The following OLA1 variants were observed in gnomAD, a reference collection of about 807,000 sequenced individuals.
OLA1 encodes the protein obg-like ATPase 1.
OLA1 carries 14 observed loss-of-function variants against 48.4 expected under a neutral mutation model. That is an observed-to-expected ratio of 0.29 (90% CI 0.19 to 0.45). The LOEUF (loss-of-function observed/expected upper bound fraction) is 0.45, where lower values mean the gene tolerates loss of function less well. OLA1 is among the 20% of genes least tolerant of loss of function. The pLI is 1.00. For synonymous variants in OLA1, 127 were observed against 150.4 expected (o/e 0.84, Z 1.14); for missense variants, 325 against 467.1 (o/e 0.70, Z 2.80).
intron 7 of OLA1, among the ~76,000 whole-genome samples, chr2:174,109,215 A>T (rs910197962): frequency 3.9e-5 from 6 of 152,208 alleles, no homozygotes; most frequent in African/African-American, 1.2e-4. Context: ...CTTATGGCTA[A>T]GAATGTTTAA....
In OLA1 at chr2:174,144,930, T is replaced by TAAAAAAA. The variant is rs71021671; in HGVS notation, c.374-2937_374-2931dup. 9.7e-5 allele frequency among the ~76,000 whole-genome samples: 4 copies of TAAAAAAA among 41,116 alleles called. 1 individual carries two copies. Among genetic ancestry groups the TAAAAAAA allele is most frequent in the Non-Finnish European group, 1.2e-4 (3 of 25,756 alleles). 27.0% of individuals were successfully genotyped at this position (41,116 alleles called of 152,430 possible). On this transcript the variant is annotated intron_variant, in intron 4 of 10. Transcript: ENST00000284719. The stretch of plus-strand genomic sequence containing the variant: ...CTGGGCGACAGAGTAAGACCCTGTT[T>TAAAAAAA]AAAAAAAAAAAAAAAAAAAAAATAT...
chr2:174,144,981 T>A (rs1307228614), intron 4 of OLA1, among the ~76,000 whole-genome samples: 30 of 108,068 alleles, frequency 2.8e-4, no homozygotes, highest in African/African-American at 8.1e-4. Context: ...TATATATATA[T>A]AATCACGGAA....
At chr2:174,243,081 T>G (rs1689043093) in intron 2 of OLA1, among the ~76,000 whole-genome samples, 1 of 152,038 alleles carries the variant, frequency 6.6e-6, no homozygotes. Flanking sequence ...CGATCTCAGC[T>G]CACTGATACC....
chr2:174,104,650 A>G (rs1269191346), intron 7 of OLA1, among the ~76,000 whole-genome samples: 1 of 152,046 alleles, frequency 6.6e-6, no homozygotes, highest in Non-Finnish European at 1.5e-5. Flanking sequence ...AGTTTTTTCC[A>G]TGTTTTAAAA....
intron 7 of OLA1, among the ~76,000 whole-genome samples, chr2:174,086,738 G>A (rs1684986265): frequency 1.3e-5 from 2 of 152,158 alleles, no homozygotes; most frequent in Non-Finnish European, 2.9e-5. Context: ...GTTCACATTC[G>A]GGGGTGGTGG....
intron 4 of OLA1, among the ~76,000 whole-genome samples, chr2:174,176,137 C>A (rs1033555451): frequency 2.0e-5 from 3 of 152,000 alleles, no homozygotes; most frequent in African/African-American, 7.2e-5. Context: ...CAATAAACTT[C>A]ATCAAACTGT....
At chr2:174,161,597 C>T (rs763636356) in intron 4 of OLA1, among the ~76,000 whole-genome samples, 13 of 150,686 alleles carry the variant, frequency 8.6e-5, no homozygotes, top group Admixed American at 1.3e-4. Flanking sequence ...CCCAAGTGTT[C>T]GAGGCTGCAG....
intron 2 of OLA1, among the ~76,000 whole-genome samples, chr2:174,234,439 C>G (rs1688801531): frequency 6.6e-6 from 1 of 152,006 alleles, no homozygotes; most frequent in Non-Finnish European, 1.5e-5. Context: ...CCGAGCTGTT[C>G]AAGGGTCAAC....
intron 7 of OLA1, among the ~76,000 whole-genome samples, chr2:174,090,980 A>G (rs1685100758): frequency 6.6e-6 from 1 of 152,234 alleles, no homozygotes; most frequent in African/African-American, 2.4e-5. Context: ...AATATTGCCC[A>G]TAGTTTTCTG....
At chr2:174,114,737 G>T (rs1398638081) in intron 7 of OLA1, among the ~76,000 whole-genome samples, 1 of 152,186 alleles carries the variant, frequency 6.6e-6, no homozygotes, top group South Asian at 2.1e-4. Flanking sequence ...AAAAGGCACT[G>T]CTAAATCTTT....
At chr2:174,225,231 C>A (rs918665178) in intron 3 of OLA1, among the ~76,000 whole-genome samples, 4 of 152,140 alleles carry the variant, frequency 2.6e-5, no homozygotes, top group Non-Finnish European at 4.4e-5. Context: ...CACACCCACT[C>A]CCCTTTTCAT....
At chr2:174,086,677 G>A (rs563524584) in intron 7 of OLA1, among the ~76,000 whole-genome samples, 1 of 152,296 alleles carries the variant, frequency 6.6e-6, no homozygotes, top group Non-Finnish European at 1.5e-5. Context: ...CGGCTACTAA[G>A]TGACTAATGG....
rs35332033 is a variant in OLA1, at chr2:174,239,714, CAAAAAAA to C, written c.101+6994_101+7000del. On this transcript the variant is annotated intron_variant, in intron 2 of 10. Coordinates refer to ENST00000284719, the MANE Select transcript of OLA1 (RefSeq NM_013341.5). ...GCAACATAGTGAGAACCCATCTCTA[CAAAAAAA>C]AAAAAAAAAAAAAAAGTTAAAAATT... Among the ~76,000 whole-genome samples the C allele has an allele frequency of 3.7e-3, 223 of 60,634 alleles. 1 individual carries two copies. Among genetic ancestry groups the C allele is most frequent in the Non-Finnish European group, 3.9e-3 (133 of 34,102 alleles). The allele number at this position is 60,634 out of a possible 152,430, so 39.8% of individuals were successfully genotyped here. A position where few individuals can be genotyped will look rare whatever the true frequency, so the allele number is the denominator to read the frequency against.
At chr2:174,087,067 G>A (rs942367438) in intron 7 of OLA1, among the ~76,000 whole-genome samples, 2 of 146,704 alleles carry the variant, frequency 1.4e-5, no homozygotes, top group African/African-American at 5.1e-5. Context: ...TCGCTCTGTC[G>A]CCAGGCTGGA....
intron 4 of OLA1, among the ~76,000 whole-genome samples, chr2:174,189,878 CA>C (rs796953866): frequency 0.014 from 600 of 43,074 alleles, 5 homozygotes; most frequent in African/African-American, 0.049. Context: ...AAAAAAAAAA[CA>C]AAACACACAC....
At chr2:174,223,297 C>T (rs1484767050) in intron 3 of OLA1, 137 bp from the exon 4 acceptor site, 1 of 766,432 alleles carries the variant, frequency 1.3e-6, no homozygotes, top group East Asian at 2.8e-5. Flanking sequence ...AAATGAATAT[C>T]CACCCCTCCC....
intron 4 of OLA1, among the ~76,000 whole-genome samples, chr2:174,160,714 T>TA (rs1331712880): frequency 6.6e-6 from 1 of 152,228 alleles, no homozygotes; most frequent in Non-Finnish European, 1.5e-5. Context: ...TTTGTCTTCA[T>TA]AAAGCCCTAA....
chr2:174,084,225 T>C (rs1184127717), intron 7 of OLA1, among the ~76,000 whole-genome samples: 1 of 152,212 alleles, frequency 6.6e-6, no homozygotes, highest in Admixed American at 6.5e-5. Flanking sequence ...GAAGCAGAGC[T>C]GGTACATTTT....
At chr2:174,145,636 T>C (rs1686576463) in intron 4 of OLA1, among the ~76,000 whole-genome samples, 1 of 152,184 alleles carries the variant, frequency 6.6e-6, no homozygotes, top group Non-Finnish European at 1.5e-5. Flanking sequence ...TAAAAAAAAT[T>C]AAAAACTGCA....
Sources: gnomAD v4.1 joint callset for allele counts (sites outside exome capture counted in the v4.1 genomes callset) on GRCh38, gnomAD v4.1.1 for gene constraint, MANE v1.5 for transcripts, NCBI Gene and HGNC (gene_info 2026-07-23, HGNC 2026-07-21) for gene names.